Variants in RB1 observed in about 807,000 individuals in gnomAD.
RB1 encodes retinoblastoma-associated protein.
RB1 carries 18 observed loss-of-function variants against 135.4 expected under a neutral mutation model. The observed-to-expected ratio is 0.13, with a 90% CI of 0.09 to 0.20. The LOEUF (loss-of-function observed/expected upper bound fraction) is 0.20. RB1 is among the 10% of genes least tolerant of loss of function. RB1 has a pLI of 1.00. For synonymous variants in RB1, 365 were observed against 373.2 expected (o/e 0.98, Z 0.25); for missense variants, 868 against 1,110.0 (o/e 0.78, Z 3.10).
chr13:48,416,652 C>A (rs1317631954), intron 17 of RB1: 1 of 152,322 alleles, frequency 6.6e-6, no homozygotes, highest in African/African-American at 2.4e-5. Context: ...GTGGATCCCA[C>A]CCCCACAGAG....
intron 2 of RB1, among the ~76,000 whole-genome samples, chr13:48,308,707 A>AAAATC (rs1489029739): frequency 7.9e-5 from 12 of 152,182 alleles, no homozygotes; most frequent in Non-Finnish European, 1.8e-4. Flanking sequence ...AACTCATTTA[A>AAAATC]AAATCATTGA....
At chr13:48,445,042 A>C (rs1427962493) in intron 17 of RB1, 2 of 152,008 alleles carry the variant, frequency 1.3e-5, no homozygotes, top group Non-Finnish European at 2.9e-5. Flanking sequence ...AGTTATATGC[A>C]TACAACCCCA....
intron 20 of RB1, 148 bp downstream of exon 20, chr13:48,459,981 T>TTCTTTCTTTC: frequency 1.7e-6 from 1 of 575,124 alleles, no homozygotes; most frequent in African/African-American, 2.1e-5. Context: ...CTTTCTTTCT[T>TTCTTTCTTTC]TTTTTTGAGA....
intron 17 of RB1, chr13:48,408,635 A>G (rs1490808245): frequency 6.6e-6 from 1 of 152,158 alleles, no homozygotes; most frequent in Non-Finnish European, 1.5e-5. Flanking sequence ...ACAAAGTACA[A>G]CACTAGCAAA....
At chr13:48,442,510 G>C (rs1949248164) in intron 17 of RB1, among the ~76,000 whole-genome samples, 1 of 152,178 alleles carries the variant, frequency 6.6e-6, no homozygotes, top group South Asian at 2.1e-4. Context: ...TTTGGATTCA[G>C]AAGGTAACTT....
intron 17 of RB1, among the ~76,000 whole-genome samples, chr13:48,402,752 G>A (rs902464477): frequency 5.9e-5 from 9 of 151,970 alleles, no homozygotes; most frequent in African/African-American, 2.2e-4. Context: ...GTTTTAGGTA[G>A]CTAAGATTAT....
At chr13:48,377,119 CAG>C in intron 13 of RB1, 85 bp downstream of exon 13, 1 of 1,319,902 alleles carries the variant, frequency 7.6e-7, no homozygotes, top group South Asian at 1.2e-5. Flanking sequence ...AATACTCTAA[CAG>C]TATTTGTCTA....
intron 17 of RB1, among the ~76,000 whole-genome samples, chr13:48,448,722 T>C (rs1002889399): frequency 1.3e-5 from 2 of 152,160 alleles, no homozygotes; most frequent in Non-Finnish European, 2.9e-5. Flanking sequence ...ATCCAAGAAA[T>C]TCAAATAAAA....
rs751747456 is a variant in RB1 at position 48,480,292 on chromosome 13, C to T, written c.*221C>T. On this transcript the variant is annotated 3_prime_UTR_variant, in exon 27 of 27. Coordinates refer to ENST00000267163, the MANE Select transcript of RB1 (RefSeq NM_000321.3). ...ACAAGATTGAAAATCTTGTGTAAAT[C>T]CTGCCATTTAAAAAGTTGTAGCAGA... 95 of 565,464 alleles carry T rather than the reference C, an allele frequency of 1.7e-4. No homozygotes were observed. Among genetic ancestry groups the T allele is most frequent in the Non-Finnish European group, 2.4e-4 (77 of 314,920 alleles). The allele number at this position is 565,464 out of a possible 1,614,324, so 35.0% of individuals were successfully genotyped here.
chr13:48,420,093 A>C (rs1948982228), intron 17 of RB1, among the ~76,000 whole-genome samples: 1 of 152,198 alleles, frequency 6.6e-6, no homozygotes, highest in African/African-American at 2.4e-5. Flanking sequence ...AAAAAAAGAA[A>C]ATTTCGGCCA....
chr13:48,399,402 T>C (rs1056316463), intron 17 of RB1, among the ~76,000 whole-genome samples: 3 of 152,000 alleles, frequency 2.0e-5, no homozygotes, highest in Non-Finnish European at 4.4e-5. Context: ...TCTACAAAAA[T>C]TTTAAGATAG....
rs946527087 is a variant in RB1 at position 48,319,314 on chromosome 13, G to A, written c.264+11908G>A. 1 of 605,350 alleles carries A rather than the reference G, an allele frequency of 1.7e-6. No individual in the cohort carries two copies. The highest frequency in any genetic ancestry group is 2.8e-6 in the Non-Finnish European group (1 of 358,134). The allele number at this position is 605,350 out of a possible 1,614,324, so 37.5% of individuals were successfully genotyped here. On this transcript the variant is annotated intron_variant, in intron 2 of 26. Transcript: ENST00000267163. This position sits in a 1 kb window ranked among gnomAD's most constrained non-coding sequence, Gnocchi z 5.0. Reference sequence around the variant, plus strand: ...GCGTCCTCTCTCCTCCCGGCGCTGGGCCCTCTGGGGCAGGTCCCCGTTGGC... The same window carrying A: ...GCGTCCTCTCTCCTCCCGGCGCTGGACCCTCTGGGGCAGGTCCCCGTTGGC...
intron 3 of RB1, among the ~76,000 whole-genome samples, chr13:48,343,927 A>G (rs1006457714): frequency 6.6e-6 from 1 of 152,052 alleles, no homozygotes; most frequent in African/African-American, 2.4e-5. Context: ...TCCCCTGCTG[A>G]TTAGCTGAAG....
At chr13:48,479,652 G>A (rs888955020) in intron 26 of RB1, among the ~76,000 whole-genome samples, 2 of 151,430 alleles carry the variant, frequency 1.3e-5, no homozygotes, top group African/African-American at 4.9e-5. Context: ...GGGTGGGGAG[G>A]GAATTTTTTT....
At chr13:48,455,848 A>G (rs1298169467) in intron 18 of RB1, among the ~76,000 whole-genome samples, 2 of 152,176 alleles carry the variant, frequency 1.3e-5, no homozygotes, top group Non-Finnish European at 2.9e-5. Context: ...TTTTAGAAGG[A>G]GAATCACAAA....
intron 17 of RB1, among the ~76,000 whole-genome samples, chr13:48,392,481 A>G (rs1286843755): frequency 1.3e-5 from 2 of 152,030 alleles, no homozygotes; most frequent in African/African-American, 4.8e-5. Flanking sequence ...TACCTTCTAA[A>G]GCTATGTCTT....
intron 2 of RB1, among the ~76,000 whole-genome samples, chr13:48,311,440 G>A (rs1440573104): frequency 6.6e-6 from 1 of 152,172 alleles, no homozygotes; most frequent in East Asian, 1.9e-4. Context: ...GGATGGTATA[G>A]CCTATGACAC....
At chr13:48,473,232 T>C (rs1949483142) in intron 23 of RB1, 128 bp from the exon 24 acceptor site, 1 of 694,260 alleles carries the variant, frequency 1.4e-6, no homozygotes, top group South Asian at 1.7e-5. Context: ...AGTTTGTCAG[T>C]GGTTCTAGGG....
At chr13:48,395,439 A>G (rs1238783828) in intron 17 of RB1, among the ~76,000 whole-genome samples, 1 of 152,178 alleles carries the variant, frequency 6.6e-6, no homozygotes, top group African/African-American at 2.4e-5. Flanking sequence ...TCCGAGCTAA[A>G]GGACCATGTT....
Sources: gnomAD v4.1 joint callset for allele counts (sites outside exome capture counted in the v4.1 genomes callset) on GRCh38, gnomAD v4.1.1 for gene constraint, Gnocchi (gnomAD v3.1) non-coding constraint, MANE v1.5 for transcripts, NCBI Gene and HGNC (gene_info 2026-07-23, HGNC 2026-07-21) for gene names.